The following CRYBA2 variants were observed in gnomAD, a reference collection of about 807,000 sequenced individuals.
CRYBA2 encodes crystallin beta A2.
A neutral mutation model predicts 18.5 loss-of-function variants in CRYBA2; 17 were observed. The observed-to-expected ratio is 0.92, with a 90% confidence interval of 0.63 to 1.38. The LOEUF is 1.38. CRYBA2 is among the 40% of genes most tolerant of loss of function. The pLI is 0.00. For synonymous variants in CRYBA2, 101 were observed against 106.2 expected, an observed-to-expected ratio of 0.95 and a Z score of 0.30; for missense variants, 271 against 265.0, an observed-to-expected ratio of 1.02 and a Z score of -0.16.
chr2:218,992,923 G>A (rs1945515156), intron 1 of CRYBA2, 93 bp downstream of exon 1: 2 of 1,037,094 alleles, frequency 1.9e-6, no homozygotes, highest in Non-Finnish European at 2.8e-6. Flanking sequence ...GTCTCTCCAG[G>A]GCTCACAGGA....
rs760326500 is a variant in CRYBA2, at chr2:218,993,075, C to T, written c.102G>A (p.Ala34=). 8 of 1,611,922 alleles carry T rather than the reference C, an allele frequency of 5.0e-6. No homozygotes were observed. The South Asian group carries it at 7.7e-5, about 15-fold the overall frequency. ...GCAGGCCTCCGCGCTCGCAGACGTT[C>T]GCACAGTCGCTTAGCAGCCGACAGC... ...GRRCRLLSDC[A]NVCERGGLPR... Residue 34 remains alanine (A), a synonymous_variant, in exon 1 of 4, where the codon GCG becomes GCA. Transcript: ENST00000295728. This position sits in a 1 kb window ranked among gnomAD's most constrained non-coding sequence, Gnocchi z 7.7.
At chr2:218,990,762 C>T (rs927920471) in intron 3 of CRYBA2, 90 bp downstream of exon 3, 1 of 1,502,566 alleles carries the variant, frequency 6.7e-7, no homozygotes, top group Non-Finnish European at 9.1e-7. Context: ...TCTCTTAGCG[C>T]CCTCCCCACA....
intron 2 of CRYBA2, chr2:218,991,857 G>C (rs1030976538): frequency 4.0e-6 from 2 of 494,990 alleles, no homozygotes; most frequent in Non-Finnish European, 3.6e-6. Context: ...GGGGAACCCT[G>C]GGCACTCAGG....
intron 1 of CRYBA2, among the ~76,000 whole-genome samples, chr2:218,992,595 G>C (rs1439297687): frequency 6.6e-6 from 1 of 152,126 alleles, no homozygotes; most frequent in African/African-American, 2.4e-5. Context: ...CAGAAACTGG[G>C]ACCTCAGCTG....
chr2:218,991,814 GCACT>G (rs1228883702), intron 2 of CRYBA2: 5 of 413,146 alleles, frequency 1.2e-5, no homozygotes, highest in African/African-American at 6.2e-5. Context: ...GACGACAGAG[GCACT>G]CACTCACACG....
In CRYBA2 at chr2:218,990,898, C is replaced by T. The variant is rs998316243; in HGVS notation, c.400G>A (p.Gly134Ser). 3 of 1,614,158 alleles carry T rather than the reference C, an allele frequency of 1.9e-6. No individual in the cohort carries two copies. The East Asian group carries it at 6.7e-5, about 36-fold the overall frequency. Residue 134 changes from glycine (G) to serine (S), a missense_variant, in exon 3 of 4, where the codon GGC becomes AGC. Transcript: ENST00000295728. Reference sequence around the variant, plus strand: ...GAACCCACATCCTTGCTGGCCCAGCCCATGGAGGGCAGGGATGGGTAGTCA... The same window carrying T: ...GAACCCACATCCTTGCTGGCCCAGCTCATGGAGGGCAGGGATGGGTAGTCA... ...VDDYPSLPSMGWASKDVGSLK... is the reference protein window; with the variant it reads ...VDDYPSLPSMSWASKDVGSLK...
At chr2:218,991,227 G>A (rs1003707203) in intron 2 of CRYBA2, 6 of 525,876 alleles carry the variant, frequency 1.1e-5, no homozygotes, top group Admixed American at 1.1e-4. Context: ...GAGGTGATTG[G>A]GGGATAGGAT....
At position 218,990,335 on chromosome 2, in the gene CRYBA2, T is replaced by G. The variant is rs771707941; in HGVS notation, c.511A>C (p.Ser171Arg). The stretch of plus-strand genomic sequence containing the variant: ...TCACCGTAAGTACAGAACTCTCCGC[T>G]GTGCCGGTCCCGCTCCAACACATAC... ...YQYVLERDRHSGEFCTYGELG... is the reference protein window; with the variant it reads ...YQYVLERDRHRGEFCTYGELG... Residue 171 changes from serine to arginine, a missense_variant, in exon 4 of 4, where the codon AGC becomes CGC. Coordinates refer to ENST00000295728, the MANE Select transcript of CRYBA2 (RefSeq NM_057093.2). 2.5e-6 allele frequency: 4 copies of G among 1,614,056 alleles called. No homozygotes were observed. The highest frequency in any genetic ancestry group is 3.4e-6 in the Non-Finnish European group (4 of 1,180,026).
chr2:218,990,465 C>T (rs1945483223), intron 3 of CRYBA2, 66 bp from the exon 4 acceptor site: 2 of 1,565,914 alleles, frequency 1.3e-6, no homozygotes, highest in Non-Finnish European at 1.7e-6. Context: ...ATGTTCTCCA[C>T]CAGCAGCCCC....
At chr2:218,992,073 G>T in intron 2 of CRYBA2, 29 bp downstream of exon 2, 1 of 1,595,722 alleles carries the variant, frequency 6.3e-7, no homozygotes, top group Non-Finnish European at 8.5e-7. Context: ...GAGCTAGGAG[G>T]CAGGGGAGGA....
chr2:218,990,476 C>G (rs1010487031), intron 3 of CRYBA2, 77 bp from the exon 4 acceptor site: 3 of 1,542,006 alleles, frequency 1.9e-6, no homozygotes, highest in Non-Finnish European at 2.6e-6. Context: ...CAGCAGCCCC[C>G]CTTTTGTAGC....
intron 3 of CRYBA2, 66 bp downstream of exon 3, chr2:218,990,785 AC>A: frequency 6.4e-7 from 1 of 1,567,960 alleles, no homozygotes; most frequent in Non-Finnish European, 8.7e-7. Flanking sequence ...ACTTTTCTCC[AC>A]CCTCTTCCTT....
chr2:218,990,293 G>A lies in CRYBA2; in HGVS notation c.553C>T (p.His185Tyr). 6.2e-7 allele frequency: 1 copy of A among 1,614,178 alleles called. No individual in the cohort carries two copies. Among genetic ancestry groups the A allele is most frequent in the South Asian group, 1.1e-5 (1 of 91,080 alleles). Residue 185 changes from histidine (H) to tyrosine (Y), a missense_variant, in exon 4 of 4, where the codon CAC becomes TAC. His to Tyr is a moderately conservative substitution (Grantham distance 83). Coordinates refer to ENST00000295728, the MANE Select transcript of CRYBA2 (RefSeq NM_057093.2). ...CGGATGGACTGCAGCTGCCCAGTGT[G>A]GGCCTGTGTGCCGAGCTCACCGTAA... ...CTYGELGTQAHTGQLQSIRRV... is the reference protein window; with the variant it reads ...CTYGELGTQAYTGQLQSIRRV...
intron 3 of CRYBA2, among the ~76,000 whole-genome samples, 163 bp downstream of exon 3, chr2:218,990,689 C>T (rs1419448512): frequency 3.3e-5 from 5 of 151,756 alleles, no homozygotes; most frequent in African/African-American, 1.2e-4. Context: ...AGGACCTCCT[C>T]ATTTCCTCCC....
At chr2:218,992,298 TC>T in intron 1 of CRYBA2, 55 bp from the exon 2 acceptor site, 1 of 1,566,186 alleles carries the variant, frequency 6.4e-7, no homozygotes, top group Non-Finnish European at 8.7e-7. Flanking sequence ...CTCTCTGCCC[TC>T]CCCCTTGCCG....
chr2:218,992,229 TCAAAGGCCACC>T lies in CRYBA2; in HGVS notation c.165_175del (p.Trp55Ter). On this transcript the variant is annotated stop_gained and frameshift_variant, in exon 2 of 4. Coordinates refer to ENST00000295728, the MANE Select transcript of CRYBA2 (RefSeq NM_057093.2). LOFTEE classifies it high-confidence loss of function. ...CTGCTGTCCCTGGAAGTCGGGGTACTCAAAGGCCACCCAACTGGAAAAGGAGAAGAGCTGGG... is the reference window on the plus strand; with the variant it reads ...CTGCTGTCCCTGGAAGTCGGGGTACTCAACTGGAAAAGGAGAAGAGCTGGG... 6.2e-7 allele frequency: 1 copy of T among 1,613,414 alleles called. No individual in the cohort carries two copies. The highest frequency in any genetic ancestry group is 2.2e-5 in the East Asian group (1 of 44,858).
In CRYBA2 at chr2:218,993,153, G is replaced by C; in HGVS notation, c.24C>G (p.Gly8=). 1 of 1,605,918 alleles carries C rather than the reference G, an allele frequency of 6.2e-7. No homozygotes were observed. Among genetic ancestry groups the C allele is most frequent in the Non-Finnish European group, 8.5e-7 (1 of 1,176,894 alleles). The change falls in exon 1 of 4, where the codon GGC becomes GGG. Residue 8 remains glycine, a synonymous_variant. Transcript: ENST00000295728. This position sits in a 1 kb window ranked among gnomAD's most constrained non-coding sequence, Gnocchi z 7.7. MSSAPAP[G]PAPASLTLWD... ...AGAGCGTGAGGCTGGCGGGCGCCGGGCCCGGCGCGGGGGCGCTGCTCATGC... is the reference window on the plus strand; with the variant it reads ...AGAGCGTGAGGCTGGCGGGCGCCGGCCCCGGCGCGGGGGCGCTGCTCATGC...
rs757566283 is a variant in CRYBA2, at chr2:218,993,104, G to T, written c.73C>A (p.Arg25Ser). ...TLWDEEDFQG[R>S]RCRLLSDCAN... ...CAGTCGCTTAGCAGCCGACAGCGAC[G>T]GCCCTGGAAGTCCTCCTCGTCCCAG... Residue 25 changes from arginine to serine, a missense_variant, in exon 1 of 4, where the codon CGT becomes AGT. Coordinates refer to ENST00000295728, the MANE Select transcript of CRYBA2 (RefSeq NM_057093.2). The surrounding 1 kb of genome is among the most constrained non-coding windows in gnomAD (Gnocchi z 7.7). The T allele has an allele frequency of 1.4e-5, 23 of 1,611,794 alleles. No homozygotes were observed. The highest frequency in any genetic ancestry group is 2.0e-5 in the Non-Finnish European group (23 of 1,179,408).
chr2:218,992,403 G>A (rs978410690), intron 1 of CRYBA2, among the ~76,000 whole-genome samples, 160 bp from the exon 2 acceptor site: 5 of 152,112 alleles, frequency 3.3e-5, no homozygotes, highest in African/African-American at 7.2e-5. Flanking sequence ...AGCCCCTCTC[G>A]GAACTAAAGG....
Sources: gnomAD v4.1 joint callset for allele counts (sites outside exome capture counted in the v4.1 genomes callset) on GRCh38, gnomAD v4.1.1 for gene constraint, Gnocchi (gnomAD v3.1) non-coding constraint, MANE v1.5 for transcripts, NCBI Gene and HGNC (gene_info 2026-07-23, HGNC 2026-07-21) for gene names.